SOX6: variants seen among roughly 807,000 people sequenced by gnomAD.
SOX6 encodes the protein SRY-box transcription factor 6, also known as transcription factor SOX-6.
Under a neutral mutation model 97.8 loss-of-function variants are expected in SOX6, and 11 were observed. That is an observed-to-expected ratio of 0.11 (90% confidence interval 0.07 to 0.19). The LOEUF (loss-of-function observed/expected upper bound fraction) is 0.19. SOX6 is among the 10% of genes least tolerant of loss of function. SOX6 has a pLI of 1.00. For synonymous variants in SOX6, 360 were observed against 371.4 expected (o/e 0.97, Z 0.35); for missense variants, 810 against 1,039.5 (o/e 0.78, Z 3.04).
intron 4 of SOX6, among the ~76,000 whole-genome samples, chr11:16,488,868 G>A (rs1860473047): frequency 1.3e-5 from 2 of 152,102 alleles, no homozygotes; most frequent in Admixed American, 6.5e-5. Flanking sequence ...CACATTCTAA[G>A]TAAAAATATC....
chr11:16,491,350 A>G (rs1860507856), intron 4 of SOX6, among the ~76,000 whole-genome samples: 3 of 152,180 alleles, frequency 2.0e-5, no homozygotes, highest in African/African-American at 7.2e-5. Flanking sequence ...ATTGCAATAA[A>G]CTATGTAACA....
intron 3 of SOX6, among the ~76,000 whole-genome samples, chr11:16,291,462 C>G (rs1854917554): frequency 6.6e-6 from 1 of 151,804 alleles, no homozygotes; most frequent in Non-Finnish European, 1.5e-5. Flanking sequence ...AATAAACCTA[C>G]CTTGCAGAAT....
intron 4 of SOX6, among the ~76,000 whole-genome samples, chr11:16,553,197 G>T (rs553958021): frequency 6.6e-6 from 1 of 152,170 alleles, no homozygotes; most frequent in African/African-American, 2.4e-5. Context: ...GGCTAGGAAA[G>T]AACTTAAGGT....
intron 7 of SOX6, among the ~76,000 whole-genome samples, chr11:16,109,108 T>C (rs1849165257): frequency 6.6e-6 from 1 of 152,210 alleles, no homozygotes; most frequent in Non-Finnish European, 1.5e-5. Context: ...GGAACCAGAA[T>C]ACAAATTTAT....
chr11:16,043,386 G>A (rs1377257131), intron 12 of SOX6, among the ~76,000 whole-genome samples: 1 of 152,122 alleles, frequency 6.6e-6, no homozygotes, highest in African/African-American at 2.4e-5. Context: ...TGCCATTACA[G>A]TCTATTGTCC....
intron 1 of SOX6, among the ~76,000 whole-genome samples, chr11:16,392,454 T>A (rs536305492): frequency 6.6e-6 from 1 of 152,266 alleles, no homozygotes; most frequent in African/African-American, 2.4e-5. Context: ...GAAACTAAAA[T>A]AACAGAAAAT....
At chr11:15,986,894 T>C (rs2119818604) in intron 14 of SOX6, among the ~76,000 whole-genome samples, 1 of 152,278 alleles carries the variant, frequency 6.6e-6, no homozygotes, top group East Asian at 1.9e-4. Context: ...AATCATTCCA[T>C]ATATAAAAAA....
intron 3 of SOX6, among the ~76,000 whole-genome samples, chr11:16,630,387 AGTGT>A (rs1223644968): frequency 6.6e-6 from 1 of 151,516 alleles, no homozygotes; most frequent in East Asian, 1.9e-4. Context: ...TTTCCTTATA[AGTGT>A]GTGTTTTTGA....
chr11:16,329,927 G>C (rs1222151480), intron 2 of SOX6, among the ~76,000 whole-genome samples: 1 of 152,132 alleles, frequency 6.6e-6, no homozygotes, highest in Non-Finnish European at 1.5e-5. Flanking sequence ...CAGAATGGCA[G>C]TTATTCAATA....
In SOX6 at chr11:16,643,496, T is replaced by C. The variant is rs955103255; in HGVS notation, n.430-31236A>G. 1.2e-4 allele frequency among the ~76,000 whole-genome samples: 19 copies of C among 152,234 alleles called. 1 individual carries two copies. Among genetic ancestry groups the C allele is most frequent in the Admixed American group, 1.2e-3 (19 of 15,286 alleles). ...GTTTCTGCTGCCTTTTGTTTGGCTA[T>C]GCCCTGCCCCCAGAGGTGGAGTCTA... On this transcript the variant is annotated intron_variant and non_coding_transcript_variant, in intron 3 of 5. Coordinates refer to the SOX6 transcript ENST00000524520.
chr11:16,512,944 C>T (rs533903790), intron 4 of SOX6, among the ~76,000 whole-genome samples: 8 of 152,238 alleles, frequency 5.3e-5, no homozygotes, highest in African/African-American at 1.9e-4. Context: ...TCAATAGTCT[C>T]AACATCAGTA....
At chr11:16,532,896 G>T (rs906446468) in intron 4 of SOX6, among the ~76,000 whole-genome samples, 34 of 151,902 alleles carry the variant, frequency 2.2e-4, no homozygotes, top group African/African-American at 7.9e-4. Context: ...TTTATTCTAT[G>T]GAGGAATATT....
Position 16,550,370 on chromosome 11 carries a change from C to T in SOX6, n.609+61711G>A, listed in dbSNP as rs192428784. On this transcript the variant is annotated intron_variant and non_coding_transcript_variant, in intron 4 of 5. Transcript: ENST00000524520. ...TAGGAGATATACCTAATGTAAATGA[C>T]GAGTTAATGGGTGCAGCACACCAAC... is the stretch of plus-strand genomic sequence containing the variant. Among the ~76,000 whole-genome samples the T allele has an allele frequency of 2.8e-3, 429 of 151,926 alleles. 1 individual carries two copies. Among genetic ancestry groups the T allele is most frequent in the African/African-American group, 9.4e-3 (389 of 41,428 alleles).
intron 2 of SOX6, among the ~76,000 whole-genome samples, chr11:16,325,385 T>C (rs1233800337): frequency 1.3e-5 from 2 of 152,186 alleles, no homozygotes; most frequent in Non-Finnish European, 2.9e-5. Context: ...GATTCCTAAA[T>C]GGTGGTAAGA....
intron 3 of SOX6, among the ~76,000 whole-genome samples, chr11:16,642,400 G>A (rs1045471598): frequency 6.6e-6 from 1 of 152,054 alleles, no homozygotes; most frequent in Non-Finnish European, 1.5e-5. Flanking sequence ...GTGTCTTGGA[G>A]TTGCTCTTCT....
intron 3 of SOX6, among the ~76,000 whole-genome samples, chr11:16,628,559 G>T (rs538849510): frequency 1.0e-3 from 156 of 149,338 alleles, no homozygotes; most frequent in African/African-American, 3.4e-3. Flanking sequence ...GGAGGCGGAG[G>T]TTGCAGTGAG....
intron 4 of SOX6, among the ~76,000 whole-genome samples, chr11:16,602,059 T>C (rs1848276796): frequency 6.6e-6 from 1 of 152,256 alleles, no homozygotes; most frequent in African/African-American, 2.4e-5. Flanking sequence ...GTATAGGTAC[T>C]TGATACTATT....
intron 6 of SOX6, among the ~76,000 whole-genome samples, chr11:16,134,522 C>T (rs2134028152): frequency 6.6e-6 from 1 of 152,334 alleles, no homozygotes; most frequent in Non-Finnish European, 1.5e-5. Flanking sequence ...TGTGGCAACC[C>T]TGGTCAAGCA....
At chr11:16,150,410 G>A (rs561142409) in intron 6 of SOX6, among the ~76,000 whole-genome samples, 8 of 152,194 alleles carry the variant, frequency 5.3e-5, no homozygotes, top group African/African-American at 1.4e-4. Flanking sequence ...GGGATGGGAC[G>A]GTCATGAATA....
Sources: gnomAD v4.1 joint callset for allele counts (sites outside exome capture counted in the v4.1 genomes callset) on GRCh38, gnomAD v4.1.1 for gene constraint, MANE v1.5 for transcripts, NCBI Gene and HGNC (gene_info 2026-07-23, HGNC 2026-07-21) for gene names.